The following SRBD1 variants were observed in gnomAD, a reference collection of about 807,000 sequenced individuals.
SRBD1 encodes the protein S1 RNA binding domain 1.
SRBD1 carries 88 observed loss-of-function variants against 115.3 expected under a neutral mutation model. The ratio of observed to expected loss-of-function variants is 0.76; its 90% CI spans 0.64 to 0.91. The LOEUF (loss-of-function observed/expected upper bound fraction) is 0.91, where lower values mean the gene tolerates loss of function less well. Among genes scored for constraint, SRBD1 ranks in the 40% least tolerant of loss-of-function variants. The pLI, the probability that SRBD1 is intolerant of heterozygous loss-of-function variation, is 0.00. For missense variants in SRBD1, 1,385 were observed against 1,177.4 expected (o/e 1.18, Z -2.58); for synonymous variants, 509 against 407.7 (o/e 1.25, Z -2.99).
chr2:45,476,571 G>A (rs1185183925), intron 16 of SRBD1, among the ~76,000 whole-genome samples: 4 of 152,162 alleles, frequency 2.6e-5, no homozygotes, highest in Middle Eastern at 3.4e-3. Flanking sequence ...CAACAAAAAC[G>A]AGTACTATTA....
intron 19 of SRBD1, among the ~76,000 whole-genome samples, chr2:45,397,581 G>A (rs1667182453): frequency 6.6e-6 from 1 of 152,116 alleles, no homozygotes; most frequent in Non-Finnish European, 1.5e-5. Context: ...AATGTGAACT[G>A]CATTTTAATC....
intron 3 of SRBD1, among the ~76,000 whole-genome samples, chr2:45,601,326 A>G (rs368788074): frequency 2.0e-5 from 3 of 152,352 alleles, no homozygotes; most frequent in South Asian, 2.1e-4. Flanking sequence ...AATGCTGGCC[A>G]TAAGAATTTC....
At chr2:45,516,334 T>C (rs1671117425) in intron 14 of SRBD1, among the ~76,000 whole-genome samples, 1 of 152,172 alleles carries the variant, frequency 6.6e-6, no homozygotes, top group Non-Finnish European at 1.5e-5. Flanking sequence ...GTGTGCTTAA[T>C]GGTACCCCTG....
At chr2:45,594,592 CAA>C (rs1673834037) in intron 4 of SRBD1, among the ~76,000 whole-genome samples, 2 of 152,128 alleles carry the variant, frequency 1.3e-5, no homozygotes, top group Non-Finnish European at 2.9e-5. Context: ...TTGCTTCTGT[CAA>C]AAGACCTGGT....
chr2:45,444,970 G>A (rs918176548), intron 16 of SRBD1, among the ~76,000 whole-genome samples: 12 of 152,126 alleles, frequency 7.9e-5, no homozygotes, highest in African/African-American at 2.7e-4. Context: ...AAAGTAGAGG[G>A]CAAAATAACA....
intron 20 of SRBD1, 83 bp from the exon 21 acceptor site, chr2:45,389,682 T>C: frequency 3.0e-6 from 4 of 1,332,064 alleles, no homozygotes; most frequent in East Asian, 2.4e-5. Context: ...ACTTACTACA[T>C]ACTATGTGCC....
At chr2:45,540,090 C>A (rs576959903) in intron 14 of SRBD1, among the ~76,000 whole-genome samples, 24 of 152,198 alleles carry the variant, frequency 1.6e-4, no homozygotes, top group African/African-American at 5.5e-4. Context: ...CGCCTGTAAC[C>A]CCAGCACTTT....
intron 15 of SRBD1, among the ~76,000 whole-genome samples, chr2:45,481,045 G>A (rs1669948279): frequency 1.3e-5 from 2 of 152,136 alleles, no homozygotes; most frequent in South Asian, 4.1e-4. Context: ...ACATCAAGGC[G>A]AGACTCTCCA....
intron 16 of SRBD1, among the ~76,000 whole-genome samples, chr2:45,463,364 T>C (rs1195595125): frequency 6.6e-6 from 1 of 152,232 alleles, no homozygotes; most frequent in East Asian, 1.9e-4. Context: ...TGTAACATAA[T>C]CTTACAAGTA....
At chr2:45,494,211 T>C (rs1442359544) in intron 14 of SRBD1, among the ~76,000 whole-genome samples, 1 of 152,198 alleles carries the variant, frequency 6.6e-6, no homozygotes, top group Non-Finnish European at 1.5e-5. Flanking sequence ...AAAGCAGGCT[T>C]ATGTAATATA....
rs1667049514 is a variant in SRBD1 at position 45,393,068 on chromosome 2, T to A, written c.2575A>T (p.Ile859Leu). Residue 859 changes from isoleucine (I) to leucine (L), a missense_variant, in exon 20 of 21, where the codon ATA becomes TTA. Physicochemically the swap from Ile to Leu is conservative, Grantham distance 5. Coordinates refer to ENST00000263736, the MANE Select transcript of SRBD1 (RefSeq NM_018079.5). ...EVGKPEMQQK[I>L]NSFLEKEGME... The stretch of plus-strand genomic sequence containing the variant: ...CCTTCCTTTTCAAGGAATGAATTTA[T>A]TTTTTGTTGCATTTCAGGCTTTCCA... 3 of 1,613,986 alleles carry A rather than the reference T, an allele frequency of 1.9e-6. No homozygotes were observed.
chr2:45,603,536 T>C (rs1674166956), intron 2 of SRBD1, among the ~76,000 whole-genome samples: 1 of 152,162 alleles, frequency 6.6e-6, no homozygotes, highest in Non-Finnish European at 1.5e-5. Flanking sequence ...TTTATTTTTA[T>C]TTATTTATTT....
At chr2:45,404,757 C>A (rs1667382140) in intron 19 of SRBD1, among the ~76,000 whole-genome samples, 1 of 152,110 alleles carries the variant, frequency 6.6e-6, no homozygotes, top group African/African-American at 2.4e-5. Flanking sequence ...CAGATCATAT[C>A]ACTCTTTCAG....
At chr2:45,596,166 T>C (rs1237290387) in intron 4 of SRBD1, among the ~76,000 whole-genome samples, 2 of 152,246 alleles carry the variant, frequency 1.3e-5, no homozygotes, top group Non-Finnish European at 2.9e-5. Flanking sequence ...ACATTACTGC[T>C]ACTAGCTTAC....
rs150459076 is a variant in SRBD1 at position 45,536,350 on chromosome 2, A to T, written c.1874+10382T>A. Among the ~76,000 whole-genome samples the T allele has an allele frequency of 1.9e-3, 282 of 152,022 alleles. 8 individuals are homozygous for T. In the East Asian group the frequency reaches 0.051, roughly 28 times the overall value. Reference sequence around the variant, plus strand: ...CTTCTAGGGGAAAAAAACATACTTGATAGAATACTTAAGCAATTTTCTGAC... The same window carrying T: ...CTTCTAGGGGAAAAAAACATACTTGTTAGAATACTTAAGCAATTTTCTGAC... On this transcript the variant is annotated intron_variant, in intron 14 of 20. Transcript: ENST00000263736.
chr2:45,452,441 T>C (rs1032333259), intron 16 of SRBD1, among the ~76,000 whole-genome samples: 2 of 151,930 alleles, frequency 1.3e-5, no homozygotes, highest in Non-Finnish European at 1.5e-5. Flanking sequence ...TATATAAAAT[T>C]AATTATGCAG....
chr2:45,425,773 CGTGCTGTGAGGGACT>C (rs1446542379), intron 16 of SRBD1, among the ~76,000 whole-genome samples: 4 of 152,120 alleles, frequency 2.6e-5, no homozygotes, highest in Non-Finnish European at 2.9e-5. Flanking sequence ...TGTGAGGGAC[CGTGCTGTGAGGGACT>C]GTGCTGTGAG....
chr2:45,501,018 T>C (rs998209767), intron 14 of SRBD1, among the ~76,000 whole-genome samples: 1 of 152,226 alleles, frequency 6.6e-6, no homozygotes, highest in Admixed American at 6.5e-5. Context: ...GCTATGGGTT[T>C]GTCATATACA....
chr2:45,468,346 G>C (rs1669552171), intron 16 of SRBD1, among the ~76,000 whole-genome samples: 1 of 148,588 alleles, frequency 6.7e-6, no homozygotes, highest in African/African-American at 2.5e-5. Context: ...GATGAGCACA[G>C]TATTTCCAAA....
Sources: allele counts gnomAD v4.1 joint callset (sites outside exome capture counted in the v4.1 genomes callset), GRCh38; gene constraint gnomAD v4.1.1; transcripts MANE v1.5; gene names NCBI Gene and HGNC (gene_info 2026-07-23, HGNC 2026-07-21).